Variants in PTPRT observed in about 807,000 individuals in gnomAD.
PTPRT encodes the protein protein tyrosine phosphatase receptor type T.
PTPRT carries 56 observed loss-of-function variants against 176.8 expected under a neutral mutation model. The ratio of observed to expected loss-of-function variants is 0.32; its 90% CI spans 0.26 to 0.40. The LOEUF is 0.40. Ranked by LOEUF, PTPRT falls within the 10% of genes least tolerant of loss-of-function variation. The pLI is 1.00. For synonymous variants in PTPRT, 783 were observed against 739.0 expected (o/e 1.06, Z -0.96); for missense variants, 1,540 against 1,908.2 (o/e 0.81, Z 3.60).
Position 43,078,832 on chromosome 20 carries a change from G to C in PTPRT, c.88+110814C>G, listed in dbSNP as rs2011355724. 2.0e-5 allele frequency among the ~76,000 whole-genome samples: 3 copies of C among 152,148 alleles called. No individual in the cohort carries two copies. In the South Asian group the frequency reaches 6.2e-4, roughly 32 times the overall value. ...ATAAAGTTTGAGTGGCAGAGAAAAG[G>C]CAGAGCCAACAATCAGGAAATAAAC... On this transcript the variant is annotated intron_variant, in intron 1 of 30. Coordinates refer to ENST00000373187, the MANE Select transcript of PTPRT (RefSeq NM_007050.6).
At chr20:42,471,626 A>G (rs2071199294) in intron 8 of PTPRT, among the ~76,000 whole-genome samples, 1 of 152,060 alleles carries the variant, frequency 6.6e-6, no homozygotes, top group African/African-American at 2.4e-5. Flanking sequence ...GTCTTTATAA[A>G]TTACCCAGTC....
chr20:42,792,960 G>A (rs1362441237), intron 2 of PTPRT, among the ~76,000 whole-genome samples: 3 of 152,148 alleles, frequency 2.0e-5, no homozygotes, highest in Admixed American at 6.5e-5. Flanking sequence ...TTGGACTTAC[G>A]GCCAAATTAG....
rs772744157 is a variant in PTPRT, at chr20:42,164,645, G to A, written c.2492-3103C>T. ...GACGCACTATACTTAATTTTCCATC[G>A]TTAGGTTTAATGAAAACCCAATTTC... is the stretch of plus-strand genomic sequence containing the variant. On this transcript the variant is annotated intron_variant, in intron 16 of 30. Coordinates refer to ENST00000373187, the MANE Select transcript of PTPRT (RefSeq NM_007050.6). 4.6e-5 allele frequency among the ~76,000 whole-genome samples: 7 copies of A among 152,006 alleles called. No homozygotes were observed. In the East Asian group the frequency reaches 5.8e-4, roughly 13 times the overall value.
At chr20:42,711,987 T>G (rs942026527) in intron 6 of PTPRT, among the ~76,000 whole-genome samples, 39 of 152,134 alleles carry the variant, frequency 2.6e-4, no homozygotes, top group African/African-American at 9.4e-4. Context: ...TGCCCCTTGA[T>G]GCCTGGATAA....
intron 9 of PTPRT, among the ~76,000 whole-genome samples, chr20:42,431,700 G>C (rs1483559414): frequency 1.3e-5 from 2 of 152,162 alleles, no homozygotes; most frequent in African/African-American, 4.8e-5. Context: ...TTGGTGGGGA[G>C]AGCAGAGAGC....
chr20:42,629,287 A>G (rs760681724), intron 7 of PTPRT, among the ~76,000 whole-genome samples: 4 of 152,008 alleles, frequency 2.6e-5, no homozygotes, highest in Non-Finnish European at 4.4e-5. Flanking sequence ...AGTTTAAGTA[A>G]TTACATTAGT....
intron 6 of PTPRT, among the ~76,000 whole-genome samples, chr20:42,692,704 T>A (rs12479759): frequency 2.0e-5 from 3 of 152,058 alleles, no homozygotes; most frequent in African/African-American, 7.3e-5. Context: ...AATGAAGTAA[T>A]AAAGCTTTCA....
At chr20:42,780,071 T>C (rs576589963) in intron 4 of PTPRT, 147 bp downstream of exon 4, 7 of 706,860 alleles carry the variant, frequency 9.9e-6, no homozygotes, top group African/African-American at 8.8e-5. Flanking sequence ...ACTGATTGCA[T>C]TGAGTATGTA....
At chr20:42,576,509 T>A (rs2073263764) in intron 7 of PTPRT, among the ~76,000 whole-genome samples, 1 of 152,130 alleles carries the variant, frequency 6.6e-6, no homozygotes, top group Non-Finnish European at 1.5e-5. Flanking sequence ...AATATCCAAT[T>A]GGCCATCCTT....
At chr20:42,111,451 C>T in intron 22 of PTPRT, among the ~76,000 whole-genome samples, 1 of 152,154 alleles carries the variant, frequency 6.6e-6, no homozygotes, top group Non-Finnish European at 1.5e-5. Context: ...GGCAGATGCC[C>T]AAGTGGGTAA....
intron 9 of PTPRT, among the ~76,000 whole-genome samples, chr20:42,432,316 G>T (rs535273924): frequency 6.6e-6 from 1 of 152,284 alleles, no homozygotes; most frequent in East Asian, 1.9e-4. Context: ...CCACACACAG[G>T]CTAGGGTCTT....
chr20:43,095,348 C>T (rs2146314347), intron 1 of PTPRT, among the ~76,000 whole-genome samples: 1 of 152,222 alleles, frequency 6.6e-6, no homozygotes, highest in African/African-American at 2.4e-5. Flanking sequence ...TTCAGTTTTA[C>T]AGCTGAGAAC....
chr20:43,034,964 T>C (rs1183862557), intron 1 of PTPRT, among the ~76,000 whole-genome samples: 1 of 151,100 alleles, frequency 6.6e-6, no homozygotes, highest in Non-Finnish European at 1.5e-5. Context: ...CTTCAACACT[T>C]ATTAGTAACA....
At chr20:42,436,951 T>C (rs1036184422) in intron 9 of PTPRT, among the ~76,000 whole-genome samples, 2 of 152,162 alleles carry the variant, frequency 1.3e-5, no homozygotes, top group African/African-American at 4.8e-5. Context: ...AATCCTTTAT[T>C]AAAAGTTAAA....
chr20:42,171,061 T>G (rs1990061276), intron 16 of PTPRT, among the ~76,000 whole-genome samples: 1 of 152,182 alleles, frequency 6.6e-6, no homozygotes, highest in African/African-American at 2.4e-5. Flanking sequence ...AAACAAAATT[T>G]TTCAAGTAAA....
At chr20:42,658,134 G>C (rs912581481) in intron 7 of PTPRT, among the ~76,000 whole-genome samples, 11 of 152,028 alleles carry the variant, frequency 7.2e-5, no homozygotes, top group Non-Finnish European at 1.3e-4. Flanking sequence ...TGAACCCATG[G>C]CTCCTAGGAG....
chr20:42,572,823 C>A (rs2073180550), intron 7 of PTPRT, among the ~76,000 whole-genome samples: 1 of 152,124 alleles, frequency 6.6e-6, no homozygotes, highest in Non-Finnish European at 1.5e-5. Context: ...ACATTCTCTG[C>A]CTTCTCGGGC....
chr20:42,616,929 T>C (rs2074091864), intron 7 of PTPRT, among the ~76,000 whole-genome samples: 1 of 132,596 alleles, frequency 7.5e-6, no homozygotes, highest in Non-Finnish European at 1.6e-5. Context: ...ATACCCTTTA[T>C]TTCCTTCTCC....
In PTPRT at chr20:42,180,936, G is replaced by C. The variant is rs78320194; in HGVS notation, c.2491+18304C>G. On this transcript the variant is annotated intron_variant, in intron 16 of 30. Coordinates refer to ENST00000373187, the MANE Select transcript of PTPRT (RefSeq NM_007050.6). ...CTACTACTAATAGCTATGTGACCTT[G>C]AGCAAGTTATTTAATCTCCCTGAAC... Among the ~76,000 whole-genome samples the C allele has an allele frequency of 6.9e-4, 105 of 152,256 alleles. 1 individual carries two copies. Among genetic ancestry groups the C allele is most frequent in the African/African-American group, 2.5e-3 (102 of 41,536 alleles).
Sources: gnomAD v4.1 joint callset for allele counts (sites outside exome capture counted in the v4.1 genomes callset) on GRCh38, gnomAD v4.1.1 for gene constraint, MANE v1.5 for transcripts, NCBI Gene and HGNC (gene_info 2026-07-23, HGNC 2026-07-21) for gene names.